The following PCDHA8 variants were observed in gnomAD, a reference collection of about 807,000 sequenced individuals.
PCDHA8 encodes the protein protocadherin alpha 8, also known as protocadherin alpha-8.
Under a neutral mutation model 61.8 loss-of-function variants are expected in PCDHA8, and 53 were observed. The ratio of observed to expected loss-of-function variants is 0.86; its 90% CI spans 0.69 to 1.08. PCDHA8 has a LOEUF of 1.08. PCDHA8 is among the 50% of genes least tolerant of loss of function. The pLI, the probability that PCDHA8 is intolerant of heterozygous loss-of-function variation, is 0.00. For missense variants in PCDHA8, 1,293 were observed against 1,245.0 expected (o/e 1.04, Z -0.58); for synonymous variants, 618 against 556.6 (o/e 1.11, Z -1.55).
At chr5:140,966,414 G>A (rs1310333281) in intron 1 of PCDHA8, 5 of 420,334 alleles carry the variant, frequency 1.2e-5, no homozygotes, top group African/African-American at 2.1e-5. Context: ...AATCAGAGCA[G>A]GACTTGCTGA....
At chr5:140,853,696 TAACGC>T (rs1477764717) in intron 1 of PCDHA8, 1 of 988,156 alleles carries the variant, frequency 1.0e-6, no homozygotes, top group African/African-American at 1.8e-5. Flanking sequence ...TTAGACCTGC[TAACGC>T]ATTAGCATTA....
intron 1 of PCDHA8, among the ~76,000 whole-genome samples, chr5:140,937,326 C>A (rs1287239556): frequency 2.0e-5 from 3 of 152,046 alleles, no homozygotes; most frequent in African/African-American, 7.2e-5. Flanking sequence ...CGTGAGCCAC[C>A]GCGCCCGGCT....
intron 3 of PCDHA8, among the ~76,000 whole-genome samples, chr5:141,007,687 C>T (rs1434828672): frequency 1.3e-5 from 2 of 152,200 alleles, no homozygotes; most frequent in Non-Finnish European, 2.9e-5. Flanking sequence ...TATCCTACTT[C>T]CACCTCCCTC....
At chr5:140,857,987 C>A (rs1562532129) in intron 1 of PCDHA8, 2 of 1,596,876 alleles carry the variant, frequency 1.3e-6, no homozygotes, top group East Asian at 4.5e-5. Context: ...CCAGCGCCTA[C>A]TGGTGCTGGT....
chr5:140,989,805 A>G (rs3776110), intron 3 of PCDHA8, among the ~76,000 whole-genome samples: 8,341 of 152,306 alleles, frequency 0.055, 292 homozygotes, highest in East Asian at 0.12. Context: ...GGAAAGGGCC[A>G]TAAGATTGGT....
chr5:140,958,911 G>C (rs1458386566), intron 1 of PCDHA8, among the ~76,000 whole-genome samples: 3 of 151,406 alleles, frequency 2.0e-5, no homozygotes, highest in African/African-American at 7.3e-5. Flanking sequence ...AGAAAAGTCT[G>C]CCTGGGTGTG....
intron 1 of PCDHA8, chr5:140,966,508 A>G (rs1288054154): frequency 9.2e-6 from 4 of 434,452 alleles, no homozygotes; most frequent in African/African-American, 4.1e-5. Context: ...TAGCGGCAGC[A>G]GCAGCAGGAA....
chr5:140,851,536 A>C (rs1051991921), intron 1 of PCDHA8: 1 of 906,438 alleles, frequency 1.1e-6, no homozygotes, highest in African/African-American at 1.8e-5. Context: ...GACAATGTAG[A>C]TAATTCAAGA....
chr5:141,001,811 C>A (rs1200900455), intron 3 of PCDHA8, among the ~76,000 whole-genome samples: 1 of 152,128 alleles, frequency 6.6e-6, no homozygotes, highest in Non-Finnish European at 1.5e-5. Flanking sequence ...ATTCTACAAT[C>A]GGCCAAATTC....
At chr5:140,884,698 A>G (rs782573200) in intron 1 of PCDHA8, 13 of 1,502,610 alleles carry the variant, frequency 8.7e-6, no homozygotes, top group African/African-American at 1.4e-5. Context: ...CTTAGTAAAC[A>G]CTTTAGCCTT....
intron 1 of PCDHA8, among the ~76,000 whole-genome samples, chr5:140,902,916 A>G (rs940228069): frequency 2.0e-5 from 3 of 152,174 alleles, no homozygotes; most frequent in African/African-American, 4.8e-5. Context: ...GCTGAGTAGT[A>G]TTGCATGGTG....
intron 1 of PCDHA8, among the ~76,000 whole-genome samples, chr5:140,901,369 C>G (rs1366309820): frequency 1.3e-5 from 2 of 152,120 alleles, no homozygotes; most frequent in African/African-American, 2.4e-5. Flanking sequence ...GTCTTTAATC[C>G]ATTTTAATTC....
intron 1 of PCDHA8, chr5:140,851,749 A>C (rs2042149157): frequency 1.0e-6 from 1 of 971,858 alleles, no homozygotes; most frequent in African/African-American, 1.8e-5. Context: ...CAGAGTCTGT[A>C]ACTTAAAACA....
rs781959040 is a variant in PCDHA8 at position 140,968,057 on chromosome 5, C to A, written c.2395-10892C>A. 2.5e-6 allele frequency: 4 copies of A among 1,613,992 alleles called. 1 individual carries two copies. Among genetic ancestry groups the A allele is most frequent in the South Asian group, 2.2e-5 (2 of 91,082 alleles). ...GGTGAGCGGCCCACTGGACCGAGAGCGGGTGGCTGTCTACAACATCACGGT... is the reference window on the plus strand; with the variant it reads ...GGTGAGCGGCCCACTGGACCGAGAGAGGGTGGCTGTCTACAACATCACGGT... On this transcript the variant is annotated intron_variant, in intron 1 of 3. Transcript: ENST00000531613.
chr5:140,884,514 C>G, intron 1 of PCDHA8: 21 of 1,614,176 alleles, frequency 1.3e-5, no homozygotes, highest in South Asian at 2.2e-5. Flanking sequence ...GGGAGTTGGT[C>G]GTACTCGCAG....
intron 1 of PCDHA8, chr5:140,850,687 A>T: frequency 6.3e-7 from 1 of 1,597,792 alleles, no homozygotes. Context: ...ACCGAGGGCG[A>T]GTGCGCGCCT....
chr5:140,873,776 T>C (rs1001856431), intron 1 of PCDHA8, among the ~76,000 whole-genome samples: 13 of 152,208 alleles, frequency 8.5e-5, no homozygotes, highest in Non-Finnish European at 1.9e-4. Context: ...TTCTCCTGCC[T>C]CAGCTTTCCG....
intron 3 of PCDHA8, among the ~76,000 whole-genome samples, chr5:140,996,644 A>G (rs2097736322): frequency 6.6e-6 from 1 of 152,144 alleles, no homozygotes; most frequent in Non-Finnish European, 1.5e-5. Flanking sequence ...TATGTAGTTA[A>G]TCCTGGGTGC....
rs2150324158 is a variant in PCDHA8, at chr5:140,841,854, T to C, written c.533T>C (p.Phe178Ser). Residue 178 changes from phenylalanine (F) to serine (S), a missense_variant, in exon 1 of 4, where the codon TTC (phenylalanine) becomes TCC (serine). Transcript: ENST00000531613. ...TACAGGCTTAGCTCTCATGATTACT[T>C]CATGCTAGATGTGAATTCAAAGAAC... is the stretch of plus-strand genomic sequence containing the variant. Reference protein sequence around the residue: ...LTYRLSSHDYFMLDVNSKNDE... With the variant: ...LTYRLSSHDYSMLDVNSKNDE... 3.7e-6 allele frequency: 6 copies of C among 1,613,730 alleles called. No homozygotes were observed. Among genetic ancestry groups the C allele is most frequent in the Non-Finnish European group, 5.1e-6 (6 of 1,179,832 alleles).
Sources: allele counts gnomAD v4.1 joint callset (sites outside exome capture counted in the v4.1 genomes callset), GRCh38; gene constraint gnomAD v4.1.1; transcripts MANE v1.5; gene names NCBI Gene and HGNC (gene_info 2026-07-23, HGNC 2026-07-21).